EXOC4: variants seen among roughly 807,000 people sequenced by gnomAD.
EXOC4 encodes the protein exocyst complex component 4.
Under a neutral mutation model 107.2 loss-of-function variants are expected in EXOC4, and 71 were observed. The ratio of observed to expected loss-of-function variants is 0.66; its 90% CI spans 0.55 to 0.81. EXOC4 has a LOEUF of 0.81. EXOC4 is among the 30% of genes least tolerant of loss of function. The pLI is 0.00. For missense variants in EXOC4, 1,108 were observed against 1,189.6 expected, an observed-to-expected ratio of 0.93 and a Z score of 1.01; for synonymous variants, 456 against 441.2, an observed-to-expected ratio of 1.03 and a Z score of -0.42.
chr7:133,956,770 A>G (rs777342517), intron 14 of EXOC4, among the ~76,000 whole-genome samples: 1 of 152,230 alleles, frequency 6.6e-6, no homozygotes, highest in Non-Finnish European at 1.5e-5. Context: ...CTATAAAGCC[A>G]ATCAAGATTT....
chr7:133,997,404 A>G, intron 14 of EXOC4, 88 bp from the exon 15 acceptor site: 1 of 1,488,892 alleles, frequency 6.7e-7, no homozygotes. Flanking sequence ...AGCTAGTAAA[A>G]ACAAGATGAA....
At chr7:133,939,722 A>G (rs1289169985) in intron 14 of EXOC4, among the ~76,000 whole-genome samples, 1 of 152,224 alleles carries the variant, frequency 6.6e-6, no homozygotes, top group Non-Finnish European at 1.5e-5. Context: ...GAAATCTATA[A>G]GAATAGAAAA....
At chr7:133,487,523 A>G (rs186211687) in intron 9 of EXOC4, among the ~76,000 whole-genome samples, 6 of 152,312 alleles carry the variant, frequency 3.9e-5, no homozygotes, top group East Asian at 1.9e-4. Context: ...AGCCTGACCA[A>G]TATGGTGAAA....
intron 4 of EXOC4, among the ~76,000 whole-genome samples, chr7:133,312,702 T>C (rs1423144631): frequency 5.3e-5 from 8 of 152,016 alleles, no homozygotes; most frequent in Non-Finnish European, 1.2e-4. Context: ...AGACACTCAT[T>C]TTTAAATTTT....
chr7:133,617,195 T>C (rs1802213836), intron 9 of EXOC4, among the ~76,000 whole-genome samples: 1 of 152,164 alleles, frequency 6.6e-6, no homozygotes, highest in Non-Finnish European at 1.5e-5. Context: ...TTGGATTATT[T>C]ATAGTGATTG....
chr7:134,046,526 A>C (rs574767331), intron 17 of EXOC4, among the ~76,000 whole-genome samples: 254 of 149,348 alleles, frequency 1.7e-3, no homozygotes, highest in African/African-American at 6.0e-3. Flanking sequence ...CATGGCCCTC[A>C]CCACAGGCAT....
At chr7:133,884,719 G>C (rs1285201666) in intron 11 of EXOC4, among the ~76,000 whole-genome samples, 1 of 151,918 alleles carries the variant, frequency 6.6e-6, no homozygotes, top group Non-Finnish European at 1.5e-5. Context: ...TCTCTGAACT[G>C]TCCTCTCAGG....
intron 10 of EXOC4, among the ~76,000 whole-genome samples, chr7:133,722,504 C>G (rs756609538): frequency 1.3e-5 from 2 of 152,124 alleles, no homozygotes; most frequent in African/African-American, 2.4e-5. Flanking sequence ...TTAAACCCTG[C>G]CTTTGGCAAT....
At chr7:133,449,025 T>C (rs1184191524) in intron 7 of EXOC4, among the ~76,000 whole-genome samples, 1 of 152,126 alleles carries the variant, frequency 6.6e-6, no homozygotes, top group African/African-American at 2.4e-5. Flanking sequence ...TTAGAATCGC[T>C]TGAATCTGGG....
intron 10 of EXOC4, among the ~76,000 whole-genome samples, chr7:133,677,598 T>C (rs959589358): frequency 9.9e-5 from 15 of 152,216 alleles, no homozygotes; most frequent in African/African-American, 3.6e-4. Context: ...ACATTTCAGC[T>C]TCCTTCTTTC....
At chr7:133,491,402 G>A (rs1799369537) in intron 9 of EXOC4, among the ~76,000 whole-genome samples, 1 of 152,192 alleles carries the variant, frequency 6.6e-6, no homozygotes, top group Non-Finnish European at 1.5e-5. Flanking sequence ...GGTTAGTGAT[G>A]TTCATATGTG....
At chr7:133,410,444 G>A (rs1258219315) in intron 7 of EXOC4, among the ~76,000 whole-genome samples, 1 of 152,134 alleles carries the variant, frequency 6.6e-6, no homozygotes, top group Non-Finnish European at 1.5e-5. Flanking sequence ...GCATGCGTGG[G>A]CATCTCTCTG....
intron 10 of EXOC4, among the ~76,000 whole-genome samples, chr7:133,726,038 G>A (rs1193072796): frequency 6.6e-6 from 1 of 152,210 alleles, no homozygotes. Context: ...AATTTGGCTT[G>A]AAGTTTAAGA....
chr7:133,554,762 A>G (rs1393219319), intron 9 of EXOC4, among the ~76,000 whole-genome samples: 1 of 152,102 alleles, frequency 6.6e-6, no homozygotes, highest in African/African-American at 2.4e-5. Flanking sequence ...TTGTATTATA[A>G]TTTCGCATTT....
At chr7:133,589,829 C>G (rs572960820) in intron 9 of EXOC4, among the ~76,000 whole-genome samples, 1 of 152,296 alleles carries the variant, frequency 6.6e-6, no homozygotes, top group South Asian at 2.1e-4. Flanking sequence ...TATTTATAAA[C>G]TGCTGATTTC....
chr7:133,672,795 A>G (rs1793976270), intron 10 of EXOC4, among the ~76,000 whole-genome samples: 1 of 152,246 alleles, frequency 6.6e-6, no homozygotes. Context: ...TGATCTGTTC[A>G]TCACCTTCAT....
rs532646903 is a variant in EXOC4, at chr7:133,377,463, A to T, written c.1182+2461A>T. 3.1e-4 allele frequency among the ~76,000 whole-genome samples: 47 copies of T among 152,328 alleles called. 3 individuals carry two copies. Among genetic ancestry groups the T allele is most frequent in the African/African-American group, 1.1e-3 (47 of 41,576 alleles). ...AGTGAATTTGAGGATAGATCAATGT[A>T]AACCATCCAAATCAAAGCACAGAGA... On this transcript the variant is annotated intron_variant, in intron 7 of 17. Coordinates refer to ENST00000253861, the MANE Select transcript of EXOC4 (RefSeq NM_021807.4).
chr7:133,746,760 T>C (rs1214759131), intron 10 of EXOC4, among the ~76,000 whole-genome samples: 1 of 152,182 alleles, frequency 6.6e-6, no homozygotes, highest in African/African-American at 2.4e-5. Context: ...AGAAACCTTC[T>C]CATCTGTTAC....
chr7:133,529,250 A>G (rs552591478), intron 9 of EXOC4, among the ~76,000 whole-genome samples: 2 of 152,088 alleles, frequency 1.3e-5, no homozygotes, highest in African/African-American at 4.8e-5. Flanking sequence ...TGTGCCTTGT[A>G]TTTAAAAAAT....
Sources: gnomAD v4.1 joint callset for allele counts (sites outside exome capture counted in the v4.1 genomes callset) on GRCh38, gnomAD v4.1.1 for gene constraint, MANE v1.5 for transcripts, NCBI Gene and HGNC (gene_info 2026-07-23, HGNC 2026-07-21) for gene names.